Variants in SAMMSON observed in about 807,000 individuals in gnomAD.
The protein encoded by SAMMSON is long intergenic non-protein coding RNA 1212.
intron 4 of SAMMSON, among the ~76,000 whole-genome samples, chr3:70,198,156 A>G (rs1701199122): frequency 1.3e-5 from 2 of 152,218 alleles, no homozygotes; most frequent in Non-Finnish European, 2.9e-5. Context: ...ATTAATTAAA[A>G]TCAGTAATCT....
At chr3:70,243,059 G>A (rs1298607591) in intron 4 of SAMMSON, among the ~76,000 whole-genome samples, 1 of 152,174 alleles carries the variant, frequency 6.6e-6, no homozygotes, top group Non-Finnish European at 1.5e-5. Context: ...CTTTTTAGGA[G>A]TTCTAATTGT....
chr3:70,274,885 C>T (rs1288908957), intron 6 of SAMMSON, among the ~76,000 whole-genome samples: 2 of 152,060 alleles, frequency 1.3e-5, no homozygotes, highest in East Asian at 1.9e-4. Flanking sequence ...TTTCTGTAAA[C>T]TCTGGGATTT....
At chr3:70,400,051 C>G (rs1701127339) in intron 2 of SAMMSON, among the ~76,000 whole-genome samples, 1 of 151,740 alleles carries the variant, frequency 6.6e-6, no homozygotes, top group East Asian at 1.9e-4. Flanking sequence ...TTTTTGCTTT[C>G]ATAATACTAT....
chr3:70,150,506 A>G (rs1246343114), intron 4 of SAMMSON, among the ~76,000 whole-genome samples: 2 of 152,094 alleles, frequency 1.3e-5, no homozygotes, highest in Admixed American at 1.3e-4. Flanking sequence ...ACTGCAAAAT[A>G]AAGACCAAGC....
chr3:70,420,642 A>T (rs898375622), intron 2 of SAMMSON, among the ~76,000 whole-genome samples: 1 of 152,156 alleles, frequency 6.6e-6, no homozygotes, highest in Non-Finnish European at 1.5e-5. Context: ...TTTTATTTTG[A>T]TGGGATTATT....
At chr3:70,013,081 G>A (rs1189223748) in intron 2 of SAMMSON, among the ~76,000 whole-genome samples, 1 of 152,008 alleles carries the variant, frequency 6.6e-6, no homozygotes, top group Non-Finnish European at 1.5e-5. Flanking sequence ...TTTGAGAAAA[G>A]GATAAAATTA....
At chr3:70,424,346 C>A (rs1241446054) in intron 2 of SAMMSON, among the ~76,000 whole-genome samples, 2 of 152,158 alleles carry the variant, frequency 1.3e-5, no homozygotes, top group Admixed American at 6.5e-5. Flanking sequence ...AAGTGATCCA[C>A]AGAACTCTGG....
intron 6 of SAMMSON, among the ~76,000 whole-genome samples, chr3:70,252,807 C>A (rs192859575): frequency 6.6e-6 from 1 of 152,086 alleles, no homozygotes; most frequent in African/African-American, 2.4e-5. Flanking sequence ...AGGCCAGGCG[C>A]GGTGGCTCAT....
intron 6 of SAMMSON, among the ~76,000 whole-genome samples, chr3:70,289,938 G>T (rs1371383378): frequency 6.6e-6 from 1 of 151,788 alleles, no homozygotes; most frequent in Non-Finnish European, 1.5e-5. Flanking sequence ...TCTCTCTATT[G>T]GTTATTCTAG....
At chr3:70,278,228 C>G (rs1242586999) in intron 6 of SAMMSON, among the ~76,000 whole-genome samples, 1 of 152,116 alleles carries the variant, frequency 6.6e-6, no homozygotes, top group Non-Finnish European at 1.5e-5. Context: ...AACGTTTTGT[C>G]TGAAAGATTC....
At chr3:70,341,695 G>C (rs527412242) in intron 7 of SAMMSON, among the ~76,000 whole-genome samples, 140 of 152,300 alleles carry the variant, frequency 9.2e-4, no homozygotes, top group African/African-American at 3.2e-3. Flanking sequence ...TGGAGGTGCA[G>C]TGGTCATTTT....
At chr3:70,193,288 C>T (rs1701145844) in intron 4 of SAMMSON, among the ~76,000 whole-genome samples, 1 of 152,048 alleles carries the variant, frequency 6.6e-6, no homozygotes, top group African/African-American at 2.4e-5. Flanking sequence ...ATTTTAGTCC[C>T]ATATTAATTA....
At chr3:70,333,770 C>CTT (rs1175962932) in intron 7 of SAMMSON, among the ~76,000 whole-genome samples, 6 of 152,212 alleles carry the variant, frequency 3.9e-5, no homozygotes, top group Non-Finnish European at 1.5e-5. Context: ...GCTTAAACCC[C>CTT]TTTAACAGTT....
chr3:70,313,761 C>T (rs576987343), intron 7 of SAMMSON, among the ~76,000 whole-genome samples: 1 of 152,232 alleles, frequency 6.6e-6, no homozygotes, highest in East Asian at 1.9e-4. Flanking sequence ...ACTATATAAT[C>T]CTTAAAAACT....
At chr3:70,267,339 C>A (rs1368450929) in intron 6 of SAMMSON, among the ~76,000 whole-genome samples, 5 of 150,818 alleles carry the variant, frequency 3.3e-5, no homozygotes, top group Non-Finnish European at 7.4e-5. Flanking sequence ...TTCCATGAGA[C>A]CTACCTTTAC....
intron 6 of SAMMSON, among the ~76,000 whole-genome samples, chr3:70,287,216 T>G (rs1702175553): frequency 7.2e-6 from 1 of 138,952 alleles, no homozygotes; most frequent in Non-Finnish European, 1.6e-5. Flanking sequence ...GCTCTTATTA[T>G]TTTGAAATAC....
intron 3 of SAMMSON, chr3:70,071,468 CT>C (rs1406412811): frequency 2.7e-5 from 4 of 150,754 alleles, no homozygotes; most frequent in African/African-American, 9.7e-5. Context: ...TTCTTTTTTT[CT>C]TTTTAGGTTC....
intron 6 of SAMMSON, among the ~76,000 whole-genome samples, chr3:70,267,142 A>AT (rs1441142657): frequency 6.6e-6 from 1 of 152,144 alleles, no homozygotes; most frequent in African/African-American, 2.4e-5. Flanking sequence ...CCAAGCTTCT[A>AT]TTTTTATAAA....
At chr3:70,165,787 A>G (rs1385673934) in intron 4 of SAMMSON, among the ~76,000 whole-genome samples, 4 of 151,982 alleles carry the variant, frequency 2.6e-5, no homozygotes, top group Non-Finnish European at 5.9e-5. Flanking sequence ...CCATTCTTAT[A>G]GGACGTGGTG....
Sources: gnomAD v4.1 joint callset for allele counts (sites outside exome capture counted in the v4.1 genomes callset) on GRCh38, gnomAD v4.1.1 for gene constraint, MANE v1.5 for transcripts, NCBI Gene and HGNC (gene_info 2026-07-23, HGNC 2026-07-21) for gene names.